COBL: variants seen among roughly 807,000 people sequenced by gnomAD.
COBL encodes the protein protein cordon-bleu.
A neutral mutation model predicts 98.8 loss-of-function variants in COBL; 51 were observed. The observed-to-expected ratio is 0.52, with a 90% CI of 0.41 to 0.65. The LOEUF is 0.65. Ranked by LOEUF, COBL falls within the 30% of genes least tolerant of loss-of-function variation. The pLI, the probability that COBL is intolerant of heterozygous loss-of-function variation, is 0.00. For synonymous variants in COBL, 634 were observed against 651.7 expected (o/e 0.97, Z 0.41); for missense variants, 1,617 against 1,617.5 (o/e 1.00, Z 0.01).
chr7:51,115,553 C>A (rs1477564077), intron 6 of COBL, among the ~76,000 whole-genome samples: 1 of 151,916 alleles, frequency 6.6e-6, no homozygotes, highest in African/African-American at 2.4e-5. Flanking sequence ...TGTTGTTTGC[C>A]AAATATTTGA....
chr7:51,253,785 T>A (rs1480359680), intron 1 of COBL, among the ~76,000 whole-genome samples: 1 of 152,250 alleles, frequency 6.6e-6, no homozygotes, highest in Non-Finnish European at 1.5e-5. Flanking sequence ...TTAAAATATG[T>A]TCCAATAAAG....
intron 7 of COBL, among the ~76,000 whole-genome samples, chr7:51,075,484 T>C (rs906140944): frequency 2.0e-5 from 3 of 152,274 alleles, no homozygotes; most frequent in Non-Finnish European, 4.4e-5. Flanking sequence ...TAATGAAATG[T>C]ACTAAAATAA....
Position 51,028,914 on chromosome 7 carries a change from T to C in COBL, c.2182A>G (p.Thr728Ala), listed in dbSNP as rs776293831. Reference protein sequence around the residue: ...RCYDRDVSLSTGAIKIDELGN... With the variant: ...RCYDRDVSLSAGAIKIDELGN... ...AGCTCGTCAATCTTAATGGCTCCGG[T>C]GGAGAGGGACACATCTCTGTCGTAA... Residue 728 changes from threonine (T) to alanine (A), a missense_variant, in exon 10 of 13, where the codon ACC becomes GCC. Thr to Ala is a moderately conservative substitution (Grantham distance 58). This residue lies in a region of COBL where 1,304 missense variants were observed against 1,282.0 expected (regional missense o/e 1.02). Coordinates refer to ENST00000265136, the MANE Select transcript of COBL (RefSeq NM_015198.5). 1.2e-6 allele frequency: 2 copies of C among 1,614,160 alleles called. No homozygotes were observed. Among genetic ancestry groups the C allele is most frequent in the East Asian group, 2.2e-5 (1 of 44,882 alleles).
intron 1 of COBL, among the ~76,000 whole-genome samples, chr7:51,268,759 G>C (rs552292845): frequency 6.6e-6 from 1 of 151,890 alleles, no homozygotes; most frequent in African/African-American, 2.4e-5. Flanking sequence ...GTGAAACCCC[G>C]CTTCTACTAA....
intron 2 of COBL, among the ~76,000 whole-genome samples, chr7:51,208,486 G>A (rs1432521769): frequency 6.6e-6 from 1 of 151,046 alleles, no homozygotes; most frequent in African/African-American, 2.4e-5. Context: ...GGGAGGTGAG[G>A]GGCGCCTCTG....
chr7:51,110,644 G>T (rs765231947), intron 6 of COBL, among the ~76,000 whole-genome samples: 18 of 152,162 alleles, frequency 1.2e-4, no homozygotes, highest in Non-Finnish European at 2.5e-4. Context: ...CACCCAAGCG[G>T]TATATACTGC....
Position 51,043,242 on chromosome 7 carries a change from C to G in COBL, c.1406+141G>C. 3 of 668,112 alleles carry G rather than the reference C, an allele frequency of 4.5e-6. No individual in the cohort carries two copies. In the South Asian group the frequency reaches 5.6e-5, roughly 13 times the overall value. 41.4% of individuals were successfully genotyped at this position (668,112 alleles called of 1,614,324 possible). On this transcript the variant is annotated intron_variant, in intron 8 of 12. Coordinates refer to ENST00000265136, the MANE Select transcript of COBL (RefSeq NM_015198.5). Reference sequence around the variant, plus strand: ...GACAGCACAGAGACATGCCTGAGAGCAGCTGCTGTGAATCAGGGTCGGGGC... The same window carrying G: ...GACAGCACAGAGACATGCCTGAGAGGAGCTGCTGTGAATCAGGGTCGGGGC...
chr7:51,022,535 C>T (rs1787040682), intron 12 of COBL: 1 of 152,232 alleles, frequency 6.6e-6, no homozygotes, highest in Non-Finnish European at 1.5e-5. Context: ...TTCTTTCTCA[C>T]AGCACAACTT....
intron 2 of COBL, among the ~76,000 whole-genome samples, chr7:51,195,368 G>A (rs1369564934): frequency 3.3e-5 from 5 of 152,078 alleles, no homozygotes; most frequent in African/African-American, 4.8e-5. Context: ...CTGTTCCATT[G>A]CCCTATGTGT....
In COBL at chr7:51,075,916, T is replaced by C. The variant is rs149037153; in HGVS notation, c.1096+9250A>G. Among the ~76,000 whole-genome samples the C allele has an allele frequency of 6.7e-3, 1,026 of 152,336 alleles. 8 individuals are homozygous for C. Among genetic ancestry groups the C allele is most frequent in the Non-Finnish European group, 0.012 (790 of 68,038 alleles). Reference sequence around the variant, plus strand: ...TTAAAAGTTCAGTTCCGTTTTTTTCTAATGTACTTTTGAGTAGGGACAGAT... The same window carrying C: ...TTAAAAGTTCAGTTCCGTTTTTTTCCAATGTACTTTTGAGTAGGGACAGAT... On this transcript the variant is annotated intron_variant, in intron 7 of 12. Transcript: ENST00000265136.
At chr7:51,228,759 TCCCAGCAAGTGAAGAAA>T (rs1310527829) in intron 1 of COBL, among the ~76,000 whole-genome samples, 1 of 152,040 alleles carries the variant, frequency 6.6e-6, no homozygotes, top group Non-Finnish European at 1.5e-5. Flanking sequence ...ATTACTCAAC[TCCCAGCAAGTGAAGAAA>T]GAGCCTGTCG....
rs11536626 is a variant in COBL, at chr7:51,274,897, C to A, written c.41+41696G>T. Among the ~76,000 whole-genome samples the A allele has an allele frequency of 7.7e-3, 1,167 of 152,322 alleles. 59 individuals are homozygous for A. In the South Asian group the frequency reaches 0.13, roughly 17 times the overall value. On this transcript the variant is annotated intron_variant, in intron 1 of 12. Coordinates refer to ENST00000265136, the MANE Select transcript of COBL (RefSeq NM_015198.5). ...TGAGATACTTTCAGTAAAAAGAATT[C>A]TCTGATAGCAATCATTTGATTTGAT... is the stretch of plus-strand genomic sequence containing the variant.
At chr7:51,156,241 T>G (rs902644879) in intron 5 of COBL, 1 of 984,582 alleles carries the variant, frequency 1.0e-6, no homozygotes, top group Admixed American at 6.2e-5. Flanking sequence ...GGCAAATTAA[T>G]TCCTTTCTTA....
intron 11 of COBL, 74 bp downstream of exon 11, chr7:51,026,472 C>A: frequency 6.4e-7 from 1 of 1,570,666 alleles, no homozygotes; most frequent in African/African-American, 1.3e-5. Context: ...TCTGCAGCCA[C>A]CACCCAAGTG....
chr7:51,188,250 C>T (rs940565606), intron 4 of COBL, among the ~76,000 whole-genome samples: 1 of 152,240 alleles, frequency 6.6e-6, no homozygotes, highest in Non-Finnish European at 1.5e-5. Flanking sequence ...TGCCTCACCT[C>T]CTGCCAGCTG....
At chr7:51,316,566 A>G (rs1803622525) in intron 1 of COBL, 27 bp downstream of exon 1, 1 of 1,207,010 alleles carries the variant, frequency 8.3e-7, no homozygotes, top group Non-Finnish European at 1.0e-6. Flanking sequence ...CCCCCTCTCC[A>G]CCCCGCCCGA....
At chr7:51,085,121 G>C (rs1794073838) in intron 7 of COBL, 45 bp downstream of exon 7, 4 of 1,612,050 alleles carry the variant, frequency 2.5e-6, no homozygotes, top group African/African-American at 1.3e-5. Context: ...TTCCAGGACA[G>C]AGCAAGCATC....
intron 1 of COBL, among the ~76,000 whole-genome samples, chr7:51,308,122 T>A (rs1040347934): frequency 1.3e-5 from 2 of 152,246 alleles, no homozygotes; most frequent in African/African-American, 4.8e-5. Context: ...AGACTCTGGC[T>A]GCTGTCGATC....
chr7:51,039,175 C>G (rs1359931794), intron 8 of COBL, among the ~76,000 whole-genome samples: 1 of 152,214 alleles, frequency 6.6e-6, no homozygotes, highest in African/African-American at 2.4e-5. Context: ...CTCTGCCAGG[C>G]TTTTGCTCAC....
Sources: gnomAD v4.1 joint callset for allele counts (sites outside exome capture counted in the v4.1 genomes callset) on GRCh38, gnomAD v4.1.1 for gene constraint, gnomAD v4.1.1 regional missense constraint, MANE v1.5 for transcripts, NCBI Gene and HGNC (gene_info 2026-07-23, HGNC 2026-07-21) for gene names.